The following MEMO1 variants were observed in gnomAD, a reference collection of about 807,000 sequenced individuals.
The protein encoded by MEMO1 is mediator of cell motility 1.
MEMO1 carries 6 observed loss-of-function variants against 45.2 expected under a neutral mutation model. That is an observed-to-expected ratio of 0.13 (90% CI 0.07 to 0.26). The LOEUF (loss-of-function observed/expected upper bound fraction) is 0.26. MEMO1 is among the 10% of genes least tolerant of loss of function. The pLI is 1.00. For synonymous variants in MEMO1, 78 were observed against 124.3 expected, an observed-to-expected ratio of 0.63 and a Z score of 2.48; for missense variants, 184 against 370.5, an observed-to-expected ratio of 0.50 and a Z score of 4.13.
chr2:31,996,055 A>G (rs1187923020), intron 2 of MEMO1, among the ~76,000 whole-genome samples: 1 of 152,194 alleles, frequency 6.6e-6, no homozygotes, highest in Non-Finnish European at 1.5e-5. Flanking sequence ...GAATTCATCA[A>G]GAAAACATAT....
intron 4 of MEMO1, among the ~76,000 whole-genome samples, chr2:31,925,475 CAAAAAAAAAAAAA>C (rs70964741): frequency 8.8e-5 from 7 of 79,220 alleles, no homozygotes; most frequent in Non-Finnish European, 1.4e-4. Context: ...GACTCCGTCT[CAAAAAAAAAAAAA>C]AAAAAAAAAA....
At chr2:31,901,804 G>A (rs2148048990) in intron 6 of MEMO1, among the ~76,000 whole-genome samples, 1 of 151,920 alleles carries the variant, frequency 6.6e-6, no homozygotes, top group East Asian at 1.9e-4. Flanking sequence ...AGTTACTCAG[G>A]AGGCGGAGGC....
chr2:31,971,100 A>G (rs1669341144), intron 2 of MEMO1, among the ~76,000 whole-genome samples: 1 of 152,146 alleles, frequency 6.6e-6, no homozygotes, highest in Non-Finnish European at 1.5e-5. Context: ...CTGTTGTTAC[A>G]TTTTCAGATG....
At chr2:31,868,737 T>C (rs566992919) in intron 9 of MEMO1, among the ~76,000 whole-genome samples, 3 of 152,328 alleles carry the variant, frequency 2.0e-5, no homozygotes, top group African/African-American at 7.2e-5. Context: ...TTACCCTCCC[T>C]CTCCCTGTAA....
intron 2 of MEMO1, among the ~76,000 whole-genome samples, chr2:31,969,093 T>C (rs1411229532): frequency 6.6e-6 from 1 of 151,808 alleles, no homozygotes; most frequent in Admixed American, 6.6e-5. Flanking sequence ...TTCCCAATAA[T>C]GTCTATTCCA....
intron 2 of MEMO1, among the ~76,000 whole-genome samples, chr2:31,976,584 AAAAG>A (rs1296051483): frequency 1.3e-5 from 2 of 152,152 alleles, no homozygotes; most frequent in African/African-American, 2.4e-5. Flanking sequence ...TCAAAAAAAA[AAAAG>A]AAAGAATATA....
intron 2 of MEMO1, among the ~76,000 whole-genome samples, chr2:31,966,732 C>CAAAAA (rs758359349): frequency 8.5e-6 from 1 of 117,842 alleles, no homozygotes. Flanking sequence ...GACTCTGTCT[C>CAAAAA]AAAAAAAAAA....
chr2:31,925,847 C>T (rs1185136730), intron 4 of MEMO1, among the ~76,000 whole-genome samples: 2 of 151,976 alleles, frequency 1.3e-5, no homozygotes, highest in African/African-American at 2.4e-5. Flanking sequence ...TCTTGACTCT[C>T]GAGTAGGTAT....
intron 6 of MEMO1, chr2:31,893,446 G>A: frequency 1.3e-6 from 1 of 771,604 alleles, no homozygotes; most frequent in African/African-American, 1.9e-5. Context: ...AGTTAAGACT[G>A]ATTGTCAATT....
Position 31,931,524 on chromosome 2 carries a change from T to C in MEMO1, c.212+543A>G, listed in dbSNP as rs189200172. ...AAGTTTCTTACAGAGTAGTATACTA[T>C]TAAAAGAGTCTCAAGTTCCCAGGAA... On this transcript the variant is annotated intron_variant, in intron 4 of 9. Coordinates refer to ENST00000404530, the MANE Select transcript of MEMO1 (RefSeq NM_001301833.4). Among the ~76,000 whole-genome samples, 339 of 152,038 alleles carry C rather than the reference T, an allele frequency of 2.2e-3. 2 individuals carry two copies. The highest frequency in any genetic ancestry group is 2.9e-3 in the Non-Finnish European group (194 of 67,976).
intron 6 of MEMO1, among the ~76,000 whole-genome samples, chr2:31,908,690 A>G (rs759291831): frequency 3.3e-5 from 5 of 152,210 alleles, no homozygotes; most frequent in Non-Finnish European, 5.9e-5. Flanking sequence ...AGGCTTTATG[A>G]AAGTTTTACT....
At chr2:31,968,441 C>T (rs552803688) in intron 2 of MEMO1, among the ~76,000 whole-genome samples, 1 of 152,282 alleles carries the variant, frequency 6.6e-6, no homozygotes, top group South Asian at 2.1e-4. Flanking sequence ...CCCAGAATTC[C>T]CTAAGTCCTG....
chr2:31,967,362 G>A (rs968327819), intron 2 of MEMO1, among the ~76,000 whole-genome samples: 7 of 152,084 alleles, frequency 4.6e-5, no homozygotes, highest in African/African-American at 1.7e-4. Flanking sequence ...CTGACCTCGT[G>A]ATCCGCCTGC....
At chr2:31,913,061 G>C (rs868118337) in intron 6 of MEMO1, among the ~76,000 whole-genome samples, 1 of 151,820 alleles carries the variant, frequency 6.6e-6, no homozygotes, top group East Asian at 1.9e-4. Flanking sequence ...GGCGGATCAC[G>C]AGGTCAAGAG....
intron 2 of MEMO1, among the ~76,000 whole-genome samples, chr2:31,946,148 T>C (rs1558524122): frequency 6.6e-6 from 1 of 152,210 alleles, no homozygotes; most frequent in Non-Finnish European, 1.5e-5. Flanking sequence ...CTAACACAAG[T>C]AATAGTTAAA....
At chr2:32,009,037 G>C (rs756350272) in intron 2 of MEMO1, among the ~76,000 whole-genome samples, 3 of 152,152 alleles carry the variant, frequency 2.0e-5, no homozygotes, top group African/African-American at 7.2e-5. Flanking sequence ...AGACTATGAG[G>C]AATCACAGTA....
intron 2 of MEMO1, among the ~76,000 whole-genome samples, chr2:31,982,566 G>C (rs1670772881): frequency 6.9e-6 from 1 of 145,244 alleles, no homozygotes; most frequent in Admixed American, 7.1e-5. Flanking sequence ...TCCAGCCTGG[G>C]CAACAGGGCA....
intron 2 of MEMO1, among the ~76,000 whole-genome samples, chr2:32,003,585 A>T (rs999454342): frequency 1.3e-5 from 2 of 152,256 alleles, no homozygotes; most frequent in African/African-American, 4.8e-5. Context: ...CAAACACAGC[A>T]TACATATGCT....
chr2:31,897,407 T>C (rs990820057), intron 6 of MEMO1, among the ~76,000 whole-genome samples: 2 of 152,226 alleles, frequency 1.3e-5, no homozygotes, highest in Non-Finnish European at 2.9e-5. Context: ...ATCTAGTTTA[T>C]TGAGAGATTT....
Sources: allele counts gnomAD v4.1 joint callset (sites outside exome capture counted in the v4.1 genomes callset), GRCh38; gene constraint gnomAD v4.1.1; transcripts MANE v1.5; gene names NCBI Gene and HGNC (gene_info 2026-07-23, HGNC 2026-07-21).